The following RBM6 variants were observed in gnomAD, a reference collection of about 807,000 sequenced individuals.
The protein encoded by RBM6 is RNA-binding protein 6.
A neutral mutation model predicts 140.4 loss-of-function variants in RBM6; 23 were observed. The ratio of observed to expected loss-of-function variants is 0.16; its 90% CI spans 0.12 to 0.23. RBM6 has a LOEUF of 0.23. Among genes scored for constraint, RBM6 ranks in the 10% least tolerant of loss-of-function variants. The pLI, the probability that RBM6 is intolerant of heterozygous loss-of-function variation, is 1.00. For synonymous variants in RBM6, 439 were observed against 475.6 expected (o/e 0.92, Z 1.00); for missense variants, 1,139 against 1,386.7 (o/e 0.82, Z 2.84).
At position 49,967,582 on chromosome 3, in the gene RBM6, C is replaced by T; in HGVS notation, c.157C>T (p.Leu53Phe). ...HSGNFPGRDS[L>F]PFDFQGHSGP... ...TGGCAACTTTCCTGGCAGAGATTCA[C>T]TTCCCTTTGATTTCCAGGGGCATTC... Residue 53 changes from leucine to phenylalanine, a missense_variant, in exon 3 of 21, where the codon CTT (leucine) becomes TTT (phenylalanine). Transcript: ENST00000266022. This position sits in a 1 kb window ranked among gnomAD's most constrained non-coding sequence, Gnocchi z 4.0. 1 of 1,614,066 alleles carries T rather than the reference C, an allele frequency of 6.2e-7. No individual in the cohort carries two copies. Among genetic ancestry groups the T allele is most frequent in the Non-Finnish European group, 8.5e-7 (1 of 1,179,926 alleles).
chr3:50,015,500 G>A (rs572563846), intron 6 of RBM6, among the ~76,000 whole-genome samples: 15 of 150,508 alleles, frequency 1.0e-4, no homozygotes, highest in East Asian at 3.9e-4. Flanking sequence ...GCGCGATCTC[G>A]GATCACTGCA....
At chr3:50,052,881 T>G (rs1380860860) in intron 7 of RBM6, among the ~76,000 whole-genome samples, 1 of 152,128 alleles carries the variant, frequency 6.6e-6, no homozygotes, top group Admixed American at 6.5e-5. Context: ...TTCACTCATG[T>G]TTTATTGGTG....
chr3:49,968,459 A>G lies in RBM6; in HGVS notation c.1034A>G (p.Gln345Arg), dbSNP rs370873930. ...TCAGAAACAAGAGAAGGAGAAACAC[A>G]AGGTGTAGCCTTTGAACATGAGTCT... Reference protein sequence around the residue: ...EHSETREGETQGVAFEHESPA... With the variant: ...EHSETREGETRGVAFEHESPA... The change falls in exon 3 of 21, where the codon CAA (glutamine) becomes CGA (arginine). Residue 345 changes from glutamine to arginine, a missense_variant. Gln to Arg is a conservative substitution (Grantham distance 43). This residue lies in a region of RBM6 where 566 missense variants were observed against 612.7 expected (regional missense o/e 0.92). Coordinates refer to ENST00000266022, the MANE Select transcript of RBM6 (RefSeq NM_005777.3). The G allele has an allele frequency of 1.7e-5, 27 of 1,614,112 alleles. No individual in the cohort carries two copies. The South Asian group carries it at 2.2e-4, about 13-fold the overall frequency.
rs758638146 is a variant in RBM6, at chr3:49,968,278, A to G, written c.853A>G (p.Met285Val). ...GSCMEFKDRE[M>V]PPVDPNILDY... ...TTGTATGGAATTTAAAGATAGGGAG[A>G]TGCCCCCTGTGGATCCAAATATTTT... The change falls in exon 3 of 21, where the codon ATG becomes GTG. Residue 285 changes from methionine (M) to valine (V), a missense_variant. Met to Val is a conservative substitution (Grantham distance 21, BLOSUM62 1). This residue lies in a region of RBM6 where 566 missense variants were observed against 612.7 expected (regional missense o/e 0.92). Coordinates refer to ENST00000266022, the MANE Select transcript of RBM6 (RefSeq NM_005777.3). 1 of 1,614,104 alleles carries G rather than the reference A, an allele frequency of 6.2e-7. No individual in the cohort carries two copies. Among genetic ancestry groups the G allele is most frequent in the South Asian group, 1.1e-5 (1 of 91,080 alleles).
At chr3:50,016,088 C>T (rs750691563) in intron 6 of RBM6, among the ~76,000 whole-genome samples, 32 of 152,188 alleles carry the variant, frequency 2.1e-4, no homozygotes, top group Non-Finnish European at 3.2e-4. Context: ...TCCCGTTCTC[C>T]TCCACCCGCC....
At chr3:49,961,271 T>G (rs1480137793) in intron 1 of RBM6, among the ~76,000 whole-genome samples, 1 of 152,044 alleles carries the variant, frequency 6.6e-6, no homozygotes, top group African/African-American at 2.4e-5. Flanking sequence ...AGAGATGAGA[T>G]TTCACCATGT....
intron 5 of RBM6, among the ~76,000 whole-genome samples, chr3:49,980,699 T>C (rs2085268996): frequency 6.8e-6 from 1 of 147,622 alleles, no homozygotes; most frequent in East Asian, 2.1e-4. Context: ...GAGGCGGAGG[T>C]TGCAGTGAGC....
chr3:49,947,437 A>G (rs2083546495), intron 1 of RBM6, among the ~76,000 whole-genome samples: 1 of 152,026 alleles, frequency 6.6e-6, no homozygotes, highest in South Asian at 2.1e-4. Flanking sequence ...CTAAAAATAA[A>G]ATAAAATTAG....
intron 7 of RBM6, among the ~76,000 whole-genome samples, chr3:50,049,473 G>T (rs1166534608): frequency 6.6e-6 from 1 of 152,088 alleles, no homozygotes; most frequent in Non-Finnish European, 1.5e-5. Flanking sequence ...TGTTTTCATT[G>T]CTACTACTTA....
At chr3:49,943,460 C>T (rs1022366560) in intron 1 of RBM6, among the ~76,000 whole-genome samples, 1 of 151,942 alleles carries the variant, frequency 6.6e-6, no homozygotes, top group African/African-American at 2.4e-5. Flanking sequence ...GCTGCCACAA[C>T]CAGCTAATTT....
At chr3:49,941,640 C>CAAAAAAAAAAAAAA (rs1171636981) in intron 1 of RBM6, among the ~76,000 whole-genome samples, 1 of 58,724 alleles carries the variant, frequency 1.7e-5, no homozygotes, top group African/African-American at 7.2e-5. Flanking sequence ...AACTCTGTCT[C>CAAAAAAAAAAAAAA]AAAAAAAAAA....
intron 8 of RBM6, 138 bp from the exon 9 acceptor site, chr3:50,057,587 CAAA>C (rs4030422): frequency 9.9e-3 from 2,136 of 216,602 alleles, no homozygotes; most frequent in Middle Eastern, 0.018. Flanking sequence ...AACTCCGTCT[CAAA>C]AAAAAAAAAA....
At chr3:49,978,222 A>T (rs1279111964) in intron 5 of RBM6, among the ~76,000 whole-genome samples, 1 of 152,080 alleles carries the variant, frequency 6.6e-6, no homozygotes, top group Non-Finnish European at 1.5e-5. Flanking sequence ...GCTGGTCTTG[A>T]ACTCCTGGGT....
At chr3:50,016,157 T>G (rs1401231028) in intron 6 of RBM6, among the ~76,000 whole-genome samples, 1 of 152,206 alleles carries the variant, frequency 6.6e-6, no homozygotes, top group African/African-American at 2.4e-5. Context: ...GTCTGAATAT[T>G]TGATTTTTTT....
chr3:50,002,810 A>T (rs1381512603), intron 6 of RBM6, among the ~76,000 whole-genome samples: 2 of 152,320 alleles, frequency 1.3e-5, no homozygotes, highest in East Asian at 3.9e-4. Flanking sequence ...AAACAATCTT[A>T]TGAGAGACAT....
At chr3:50,001,615 C>A (rs1190994218) in intron 6 of RBM6, among the ~76,000 whole-genome samples, 1 of 152,000 alleles carries the variant, frequency 6.6e-6, no homozygotes, top group African/African-American at 2.4e-5. Flanking sequence ...ATTTTTGTGT[C>A]CTTGTGGGTC....
At chr3:50,026,785 C>T (rs1302808012) in intron 6 of RBM6, among the ~76,000 whole-genome samples, 2 of 151,382 alleles carry the variant, frequency 1.3e-5, no homozygotes, top group African/African-American at 2.4e-5. Flanking sequence ...TGGTGGCGTG[C>T]ACCTGTAGTC....
intron 5 of RBM6, among the ~76,000 whole-genome samples, chr3:49,986,782 TTCTTC>T (rs1481799298): frequency 7.4e-5 from 11 of 148,556 alleles, no homozygotes. Context: ...CCCTTCTCTT[TTCTTC>T]TCTTCTCTTT....
At chr3:49,959,432 C>A (rs2084177348) in intron 1 of RBM6, among the ~76,000 whole-genome samples, 1 of 150,204 alleles carries the variant, frequency 6.7e-6, no homozygotes, top group East Asian at 2.0e-4. Context: ...ATCTCCTGAC[C>A]TTGTGATCCG....
Sources: allele counts gnomAD v4.1 joint callset (sites outside exome capture counted in the v4.1 genomes callset), GRCh38; gene constraint gnomAD v4.1.1; regional missense constraint gnomAD v4.1.1; non-coding constraint Gnocchi (gnomAD v3.1); transcripts MANE v1.5; gene names NCBI Gene and HGNC (gene_info 2026-07-23, HGNC 2026-07-21).